Variants in RBM47 observed in about 807,000 individuals in gnomAD.
The protein encoded by RBM47 is RNA-binding protein 47.
RBM47 carries 21 observed loss-of-function variants against 47.1 expected under a neutral mutation model. That is an observed-to-expected ratio of 0.45 (90% CI 0.32 to 0.64). The LOEUF (loss-of-function observed/expected upper bound fraction) is 0.64, where lower values mean the gene tolerates loss of function less well. RBM47 is among the 30% of genes least tolerant of loss of function. The probability of loss-of-function intolerance (pLI) is 0.05; values close to 1 mark genes in which losing one functional copy is unlikely to be tolerated. For missense variants in RBM47, 708 were observed against 870.9 expected, an observed-to-expected ratio of 0.81 and a Z score of 2.35; for synonymous variants, 375 against 361.7, an observed-to-expected ratio of 1.04 and a Z score of -0.42.
At position 40,561,863 on chromosome 4, in the gene RBM47, T is replaced by C. The variant is rs527803855; in HGVS notation, c.-239-17357A>G. ...CCTCGCCTGGCCTCCGTTGTCTTAA[T>C]GTAAGATATCCTTTTACTAGATCAG... On this transcript the variant is annotated intron_variant, in intron 1 of 6. Transcript: ENST00000295971. 3.3e-5 allele frequency among the ~76,000 whole-genome samples: 5 copies of C among 152,298 alleles called. 1 individual carries two copies. The highest frequency in any genetic ancestry group is 7.2e-5 in the African/African-American group (3 of 41,562).
Position 40,438,124 on chromosome 4 carries a change from G to C in RBM47, c.770C>G (p.Thr257Ser). 1 of 1,613,390 alleles carries C rather than the reference G, an allele frequency of 6.2e-7. No homozygotes were observed. Among genetic ancestry groups the C allele is most frequent in the Non-Finnish European group, 8.5e-7 (1 of 1,180,020 alleles). Residue 257 changes from threonine to serine, a missense_variant, in exon 4 of 7, where the codon ACC becomes AGC. Thr to Ser is a moderately conservative substitution (Grantham distance 58, BLOSUM62 1). Coordinates refer to ENST00000295971, the MANE Select transcript of RBM47 (RefSeq NM_001098634.2). The part of the protein sequence containing the change: ...ILYVRNLMIE[T>S]TEDTIKKSFG... ...GCTCTTCTTGATGGTGTCCTCGGTG[G>C]TCTCGATCATGAGGTTGCGCACGTA... is the stretch of plus-strand genomic sequence containing the variant.
intron 3 of RBM47, among the ~76,000 whole-genome samples, chr4:40,446,829 C>G (rs1375733693): frequency 6.6e-6 from 1 of 150,560 alleles, no homozygotes; most frequent in Non-Finnish European, 1.5e-5. Flanking sequence ...ATGTAGGATT[C>G]TGTGTTTATG....
intron 1 of RBM47, among the ~76,000 whole-genome samples, chr4:40,600,379 A>G (rs1277125583): frequency 6.6e-6 from 1 of 151,638 alleles, no homozygotes; most frequent in Non-Finnish European, 1.5e-5. Flanking sequence ...TCAAGCCTGT[A>G]ATCCCAGCAC....
At chr4:40,599,222 G>T (rs1340823088) in intron 1 of RBM47, among the ~76,000 whole-genome samples, 1 of 142,898 alleles carries the variant, frequency 7.0e-6, no homozygotes, top group Non-Finnish European at 1.5e-5. Flanking sequence ...CACACCACTG[G>T]ACTCCAGCCT....
chr4:40,463,211 T>A (rs1717432115), intron 3 of RBM47, among the ~76,000 whole-genome samples: 1 of 152,138 alleles, frequency 6.6e-6, no homozygotes, highest in South Asian at 2.1e-4. Context: ...GCATTACACA[T>A]CTGCAAAGAC....
intron 1 of RBM47, among the ~76,000 whole-genome samples, chr4:40,621,007 C>CA (rs11297434): frequency 1.5e-3 from 218 of 143,956 alleles, no homozygotes; most frequent in East Asian, 4.7e-3. Flanking sequence ...AGGAAACAAA[C>CA]AAAAAAAAAA....
intron 1 of RBM47, among the ~76,000 whole-genome samples, chr4:40,629,014 C>G (rs1158327559): frequency 6.6e-6 from 1 of 152,138 alleles, no homozygotes; most frequent in Non-Finnish European, 1.5e-5. Context: ...AAATGAGATG[C>G]CTCCTGTCCA....
intron 4 of RBM47, 115 bp downstream of exon 4, chr4:40,437,656 G>A: frequency 9.1e-7 from 1 of 1,099,332 alleles, no homozygotes; most frequent in Non-Finnish European, 1.3e-6. Flanking sequence ...AACGGGGGTG[G>A]GAGGGCCTTC....
At chr4:40,487,364 C>T (rs532511677) in intron 2 of RBM47, among the ~76,000 whole-genome samples, 12 of 152,252 alleles carry the variant, frequency 7.9e-5, no homozygotes, top group African/African-American at 2.2e-4. Flanking sequence ...GGCGCGATCT[C>T]GGCTCACTGC....
intron 2 of RBM47, among the ~76,000 whole-genome samples, chr4:40,517,764 CAT>C (rs1725754769): frequency 6.6e-6 from 1 of 152,184 alleles, no homozygotes; most frequent in Non-Finnish European, 1.5e-5. Flanking sequence ...GTACTAAACA[CAT>C]AGACTTCTTT....
intron 1 of RBM47, among the ~76,000 whole-genome samples, chr4:40,621,187 G>A (rs1737235604): frequency 6.6e-6 from 1 of 152,044 alleles, no homozygotes; most frequent in South Asian, 2.1e-4. Context: ...ATGGTTTTAG[G>A]GTCCCCAAGC....
At chr4:40,441,273 C>T (rs1713607346) in intron 3 of RBM47, among the ~76,000 whole-genome samples, 1 of 69,314 alleles carries the variant, frequency 1.4e-5, no homozygotes, top group African/African-American at 3.0e-5. Context: ...AAAAAAGGAA[C>T]CAAAAAAAAA....
chr4:40,516,282 A>G (rs1179970780), intron 2 of RBM47, among the ~76,000 whole-genome samples: 2 of 107,146 alleles, frequency 1.9e-5, no homozygotes, highest in Admixed American at 1.1e-4. Flanking sequence ...TTTTTTTGAG[A>G]CGGATTCTCG....
chr4:40,470,175 G>A (rs1442408275), intron 2 of RBM47, among the ~76,000 whole-genome samples: 1 of 152,144 alleles, frequency 6.6e-6, no homozygotes, highest in Non-Finnish European at 1.5e-5. Context: ...CTGGAGAAAC[G>A]GGGTGGTTTC....
At position 40,432,830 on chromosome 4, in the gene RBM47, T is replaced by G; in HGVS notation, c.1363A>C (p.Met455Leu). The change falls in exon 6 of 7, where the codon ATG becomes CTG. Residue 455 changes from methionine to leucine, a missense_variant. Transcript: ENST00000295971. ...TTAGGGGCTGGAGCTGCTGGAAACA[T>G]GGAATACTGAGCCCCAATGGCAGGG... Reference protein sequence around the residue: ...AIPAIGAQYSMFPAAPAPKMI... With the variant: ...AIPAIGAQYSLFPAAPAPKMI... The G allele has an allele frequency of 1.2e-6, 2 of 1,613,574 alleles. No homozygotes were observed. Among genetic ancestry groups the G allele is most frequent in the Non-Finnish European group, 1.7e-6 (2 of 1,179,898 alleles).
chr4:40,600,999 A>AAAAAAAAAAGAAAG (rs1338188731), intron 1 of RBM47, among the ~76,000 whole-genome samples: 4 of 147,364 alleles, frequency 2.7e-5, no homozygotes, highest in African/African-American at 1.1e-4. Context: ...AAAAAAAAAA[A>AAAAAAAAAAGAAAG]AAAGAAAGAA....
At chr4:40,623,499 T>C (rs1485221043) in intron 1 of RBM47, among the ~76,000 whole-genome samples, 1 of 152,172 alleles carries the variant, frequency 6.6e-6, no homozygotes, top group Non-Finnish European at 1.5e-5. Flanking sequence ...ATTTCTTGGT[T>C]GACCCTCCGT....
At chr4:40,625,933 A>T (rs1286259416) in intron 1 of RBM47, among the ~76,000 whole-genome samples, 1 of 152,190 alleles carries the variant, frequency 6.6e-6, no homozygotes, top group Non-Finnish European at 1.5e-5. Flanking sequence ...TCCCGATGTC[A>T]TCTCCCTGAA....
At chr4:40,585,798 G>C (rs531108425) in intron 1 of RBM47, among the ~76,000 whole-genome samples, 1 of 152,206 alleles carries the variant, frequency 6.6e-6, no homozygotes, top group Non-Finnish European at 1.5e-5. Context: ...AGCATCTGTC[G>C]TTCACTGCTG....
Sources: allele counts gnomAD v4.1 joint callset (sites outside exome capture counted in the v4.1 genomes callset), GRCh38; gene constraint gnomAD v4.1.1; transcripts MANE v1.5; gene names NCBI Gene and HGNC (gene_info 2026-07-23, HGNC 2026-07-21).